The following PPFIA2 variants were observed in gnomAD, a reference collection of about 807,000 sequenced individuals.
PPFIA2 encodes the protein PPFI scaffold protein A2, also known as liprin-alpha-2.
A neutral mutation model predicts 175.5 loss-of-function variants in PPFIA2; 46 were observed. The observed-to-expected ratio is 0.26, with a 90% CI of 0.21 to 0.34. The LOEUF is 0.34. Ranked by LOEUF, PPFIA2 falls within the 10% of genes least tolerant of loss-of-function variation. PPFIA2 has a pLI of 1.00. For missense variants in PPFIA2, 1,179 were observed against 1,506.1 expected (o/e 0.78, Z 3.60); for synonymous variants, 568 against 511.4 (o/e 1.11, Z -1.49).
intron 4 of PPFIA2, among the ~76,000 whole-genome samples, chr12:81,487,517 C>T (rs1360978608): frequency 1.3e-5 from 2 of 151,578 alleles, no homozygotes; most frequent in Non-Finnish European, 2.9e-5. Flanking sequence ...GGAACAAACT[C>T]AAAGCTTGTA....
At chr12:81,406,416 C>T (rs980828803) in intron 7 of PPFIA2, among the ~76,000 whole-genome samples, 1 of 152,000 alleles carries the variant, frequency 6.6e-6, no homozygotes, top group Non-Finnish European at 1.5e-5. Flanking sequence ...ATTTGTAATG[C>T]TGTCATGAGC....
chr12:81,401,936 G>A (rs75718823), intron 8 of PPFIA2, among the ~76,000 whole-genome samples: 4,410 of 152,198 alleles, frequency 0.029, 192 homozygotes, highest in Admixed American at 0.12. Flanking sequence ...TTTCAGTTAA[G>A]TGTATTTTTT....
At chr12:81,436,431 T>A (rs2049054751) in intron 7 of PPFIA2, among the ~76,000 whole-genome samples, 1 of 151,772 alleles carries the variant, frequency 6.6e-6, no homozygotes, top group African/African-American at 2.4e-5. Context: ...TCTTAATAAT[T>A]TTTTAAACTT....
chr12:81,643,326 A>G (rs2153520911), intron 4 of PPFIA2, among the ~76,000 whole-genome samples: 1 of 151,964 alleles, frequency 6.6e-6, no homozygotes, highest in Admixed American at 6.6e-5. Context: ...TCAACCACTA[A>G]AATACTTTTG....
chr12:81,608,397 A>C (rs978472303), intron 4 of PPFIA2, among the ~76,000 whole-genome samples: 6 of 151,970 alleles, frequency 3.9e-5, no homozygotes, highest in African/African-American at 1.4e-4. Flanking sequence ...AGATCTGGTA[A>C]AATTCAGCTG....
intron 7 of PPFIA2, among the ~76,000 whole-genome samples, chr12:81,423,763 G>A (rs1397223199): frequency 6.6e-6 from 1 of 151,986 alleles, no homozygotes; most frequent in East Asian, 1.9e-4. Flanking sequence ...GACAGGGAAA[G>A]AAAATAAAAA....
chr12:81,422,810 A>G (rs1592746500), intron 7 of PPFIA2, among the ~76,000 whole-genome samples: 1 of 151,958 alleles, frequency 6.6e-6, no homozygotes. Flanking sequence ...ATTAGGCTCT[A>G]CCTCCCAAAA....
At chr12:81,389,773 T>C (rs1257762415) in intron 8 of PPFIA2, among the ~76,000 whole-genome samples, 2 of 152,106 alleles carry the variant, frequency 1.3e-5, no homozygotes, top group Admixed American at 6.6e-5. Context: ...TAAAAGTCAG[T>C]ACTTATTTTA....
intron 3 of PPFIA2, among the ~76,000 whole-genome samples, chr12:81,733,881 T>C (rs2081244784): frequency 6.6e-6 from 1 of 151,864 alleles, no homozygotes; most frequent in East Asian, 1.9e-4. Flanking sequence ...ATAAGCAACA[T>C]TTTATCCTGT....
intron 14 of PPFIA2, among the ~76,000 whole-genome samples, chr12:81,363,735 C>G (rs1189799170): frequency 6.6e-6 from 1 of 151,574 alleles, no homozygotes; most frequent in Non-Finnish European, 1.5e-5. Context: ...CCCTTTTTAT[C>G]TTTTTCCTGA....
intron 3 of PPFIA2, among the ~76,000 whole-genome samples, chr12:81,745,742 C>A (rs925284844): frequency 7.9e-5 from 12 of 152,138 alleles, no homozygotes; most frequent in Middle Eastern, 3.2e-3. Flanking sequence ...GACTTGCCTG[C>A]CTTGAAACTC....
intron 4 of PPFIA2, among the ~76,000 whole-genome samples, chr12:81,504,210 A>G (rs976402809): frequency 6.6e-6 from 1 of 152,164 alleles, no homozygotes; most frequent in Non-Finnish European, 1.5e-5. Flanking sequence ...AGAACAGGCA[A>G]TCTATAGAAT....
intron 3 of PPFIA2, among the ~76,000 whole-genome samples, chr12:81,744,316 G>A (rs2082736783): frequency 6.6e-6 from 1 of 151,274 alleles, no homozygotes; most frequent in South Asian, 2.1e-4. Context: ...ATTAAATTCA[G>A]TATAATTATA....
At chr12:81,529,085 C>T (rs991766709) in intron 4 of PPFIA2, among the ~76,000 whole-genome samples, 1 of 151,966 alleles carries the variant, frequency 6.6e-6, no homozygotes, top group African/African-American at 2.4e-5. Flanking sequence ...CTCATTAATG[C>T]AACTAGCATG....
At chr12:81,593,697 G>C (rs1250185313) in intron 4 of PPFIA2, among the ~76,000 whole-genome samples, 1 of 152,182 alleles carries the variant, frequency 6.6e-6, no homozygotes, top group East Asian at 1.9e-4. Context: ...GAGGTAGCAT[G>C]TGAGATAAGT....
chr12:81,570,712 T>C (rs943372243), intron 4 of PPFIA2, among the ~76,000 whole-genome samples: 11 of 148,510 alleles, frequency 7.4e-5, no homozygotes, highest in African/African-American at 2.7e-4. Context: ...AAAAATATAA[T>C]ATTTTATAAT....
Position 81,272,066 on chromosome 12 carries a change from A to C in PPFIA2, c.3311-3979T>G, listed in dbSNP as rs549080380. On this transcript the variant is annotated intron_variant, in intron 28 of 32. Coordinates refer to ENST00000549396, the MANE Select transcript of PPFIA2 (RefSeq NM_003625.5). Reference sequence around the variant, plus strand: ...ATTCCATTTTCCTCTAGCATTATTTAGTTGAGCAATATCAGTTATATTATG... The same window carrying C: ...ATTCCATTTTCCTCTAGCATTATTTCGTTGAGCAATATCAGTTATATTATG... Among the ~76,000 whole-genome samples, 10 of 152,216 alleles carry C rather than the reference A, an allele frequency of 6.6e-5. No individual in the cohort carries two copies. The South Asian group carries it at 2.1e-3, about 32-fold the overall frequency.
At chr12:81,673,349 A>G (rs139003537) in intron 4 of PPFIA2, among the ~76,000 whole-genome samples, 106 of 152,246 alleles carry the variant, frequency 7.0e-4, no homozygotes, top group African/African-American at 2.4e-3. Flanking sequence ...ACATGGATAT[A>G]CTTTACCCTG....
At chr12:81,375,752 G>A (rs2036224251) in intron 10 of PPFIA2, 44 bp downstream of exon 10, 1 of 1,541,422 alleles carries the variant, frequency 6.5e-7, no homozygotes, top group Non-Finnish European at 8.9e-7. Flanking sequence ...TGAGAATGAT[G>A]AGAACGCACA....
Sources: allele counts gnomAD v4.1 joint callset (sites outside exome capture counted in the v4.1 genomes callset), GRCh38; gene constraint gnomAD v4.1.1; transcripts MANE v1.5; gene names NCBI Gene and HGNC (gene_info 2026-07-23, HGNC 2026-07-21).